CADM2: variants seen among roughly 807,000 people sequenced by gnomAD.
The protein encoded by CADM2 is immunoglobulin superfamily member 4D.
A neutral mutation model predicts 49.8 loss-of-function variants in CADM2; 12 were observed. That is an observed-to-expected ratio of 0.24 (90% confidence interval 0.15 to 0.39). The LOEUF (loss-of-function observed/expected upper bound fraction) is 0.39, where lower values mean the gene tolerates loss of function less well. Among genes scored for constraint, CADM2 ranks in the 10% least tolerant of loss-of-function variants. The pLI, the probability that CADM2 is intolerant of heterozygous loss-of-function variation, is 1.00. For missense variants in CADM2, 378 were observed against 492.3 expected, an observed-to-expected ratio of 0.77 and a Z score of 2.20; for synonymous variants, 214 against 175.4, an observed-to-expected ratio of 1.22 and a Z score of -1.74.
chr3:85,660,927 CAG>C (rs902808996), intron 1 of CADM2, among the ~76,000 whole-genome samples: 4 of 143,034 alleles, frequency 2.8e-5, no homozygotes, highest in African/African-American at 1.0e-4. Context: ...AAAAAAAAAA[CAG>C]AAGCACGAGG....
At chr3:85,151,550 C>T (rs9873321) in intron 1 of CADM2, among the ~76,000 whole-genome samples, 50,443 of 152,118 alleles carry the variant, frequency 0.33, 10,935 homozygotes, top group Non-Finnish European at 0.48. Context: ...AATATATTGC[C>T]TTAGAGCAGC....
intron 2 of CADM2, among the ~76,000 whole-genome samples, chr3:85,732,393 T>C (rs1056461937): frequency 2.0e-5 from 3 of 152,162 alleles, no homozygotes; most frequent in Admixed American, 6.5e-5. Flanking sequence ...TCTAAGGAAA[T>C]ATGTGTCAGG....
chr3:85,024,040 C>A (rs1455215278), intron 1 of CADM2, among the ~76,000 whole-genome samples: 1 of 151,942 alleles, frequency 6.6e-6, no homozygotes, highest in East Asian at 1.9e-4. Flanking sequence ...TTTAAAGATA[C>A]CAAACATATA....
intron 1 of CADM2, among the ~76,000 whole-genome samples, chr3:85,321,355 T>C (rs2044608195): frequency 6.6e-6 from 1 of 151,014 alleles, no homozygotes; most frequent in Non-Finnish European, 1.5e-5. Flanking sequence ...TTATTTATTT[T>C]TGTACTTTTA....
intron 1 of CADM2, among the ~76,000 whole-genome samples, chr3:85,247,683 T>C (rs1162643176): frequency 1.3e-5 from 2 of 152,180 alleles, no homozygotes; most frequent in East Asian, 1.9e-4. Context: ...ATGTTTGTTT[T>C]CGTTTTTCAC....
intron 1 of CADM2, among the ~76,000 whole-genome samples, chr3:85,098,312 G>A (rs1023462061): frequency 6.7e-6 from 1 of 150,184 alleles, no homozygotes; most frequent in Admixed American, 6.6e-5. Flanking sequence ...TAAACCAAAG[G>A]TACACAGTTT....
chr3:85,738,097 A>G (rs1022374405), intron 2 of CADM2, among the ~76,000 whole-genome samples: 1 of 151,958 alleles, frequency 6.6e-6, no homozygotes, highest in African/African-American at 2.4e-5. Flanking sequence ...GCCAGAAGTT[A>G]TCTTGGGAAA....
At chr3:85,530,084 T>C (rs902012464) in intron 1 of CADM2, among the ~76,000 whole-genome samples, 3 of 151,764 alleles carry the variant, frequency 2.0e-5, no homozygotes, top group Non-Finnish European at 4.4e-5. Flanking sequence ...TGGGAGGTGA[T>C]TGGATCATGA....
intron 3 of CADM2, among the ~76,000 whole-genome samples, chr3:85,879,666 A>T (rs756247345): frequency 1.3e-5 from 2 of 152,124 alleles, no homozygotes; most frequent in Non-Finnish European, 2.9e-5. Flanking sequence ...AAAATTTTTT[A>T]ATCAATTTTT....
intron 1 of CADM2, among the ~76,000 whole-genome samples, chr3:85,292,361 T>A (rs1270746690): frequency 6.6e-6 from 1 of 150,480 alleles, no homozygotes; most frequent in Non-Finnish European, 1.5e-5. Context: ...CACCCCACTG[T>A]CAACATTAGA....
intron 1 of CADM2, among the ~76,000 whole-genome samples, chr3:84,974,731 T>C (rs1456039570): frequency 2.0e-5 from 3 of 152,012 alleles, no homozygotes; most frequent in Non-Finnish European, 4.4e-5. Flanking sequence ...TTTTGTACAG[T>C]AGATAAAAAC....
intron 3 of CADM2, among the ~76,000 whole-genome samples, chr3:85,806,902 T>A (rs2072468047): frequency 1.3e-5 from 2 of 152,162 alleles, no homozygotes; most frequent in African/African-American, 4.8e-5. Flanking sequence ...AAATTCAAGC[T>A]TTTACAACTT....
At chr3:85,504,139 G>C (rs2040223539) in intron 1 of CADM2, among the ~76,000 whole-genome samples, 1 of 152,020 alleles carries the variant, frequency 6.6e-6, no homozygotes, top group Non-Finnish European at 1.5e-5. Context: ...TGTTCCTTCT[G>C]ATGTTCAGAT....
chr3:85,386,209 A>G (rs1209805064), intron 1 of CADM2, among the ~76,000 whole-genome samples: 1 of 152,172 alleles, frequency 6.6e-6, no homozygotes, highest in Admixed American at 6.5e-5. Flanking sequence ...GTAGCTAATT[A>G]TTTTGAAAGT....
intron 1 of CADM2, among the ~76,000 whole-genome samples, chr3:85,467,309 A>G (rs1212700112): frequency 1.3e-5 from 2 of 152,178 alleles, no homozygotes; most frequent in African/African-American, 4.8e-5. Context: ...TGTATTTATT[A>G]AACTTCTTTT....
intron 1 of CADM2, among the ~76,000 whole-genome samples, chr3:85,336,149 C>T (rs1253256066): frequency 2.6e-5 from 4 of 151,442 alleles, no homozygotes; most frequent in Non-Finnish European, 5.9e-5. Context: ...TCAACATTTC[C>T]TTCTGCACTA....
At chr3:85,335,187 G>T in intron 1 of CADM2, among the ~76,000 whole-genome samples, 1 of 151,422 alleles carries the variant, frequency 6.6e-6, no homozygotes, top group East Asian at 1.9e-4. Flanking sequence ...TTCTATTGAT[G>T]TCTCAACCTT....
chr3:85,801,648 A>C (rs1267787460), intron 2 of CADM2, among the ~76,000 whole-genome samples: 1 of 152,138 alleles, frequency 6.6e-6, no homozygotes, highest in East Asian at 1.9e-4. Flanking sequence ...GAAATATTTT[A>C]TGTTTCCTCT....
intron 1 of CADM2, among the ~76,000 whole-genome samples, chr3:85,175,064 C>T (rs986945589): frequency 3.3e-5 from 5 of 151,988 alleles, no homozygotes; most frequent in Non-Finnish European, 2.9e-5. Context: ...CAAAACAAAA[C>T]CACAATGAGA....
Sources: gnomAD v4.1 joint callset for allele counts (sites outside exome capture counted in the v4.1 genomes callset) on GRCh38, gnomAD v4.1.1 for gene constraint, MANE v1.5 for transcripts, NCBI Gene and HGNC (gene_info 2026-07-23, HGNC 2026-07-21) for gene names.